Variants in RUFY3 observed in about 807,000 individuals in gnomAD.
RUFY3 encodes the protein RUN and FYVE domain containing 3, also known as protein RUFY3.
In RUFY3, 34 loss-of-function variants were observed where a neutral mutation model predicts 84.0. That is an observed-to-expected ratio of 0.40 (90% CI 0.31 to 0.54). The LOEUF (loss-of-function observed/expected upper bound fraction) is 0.54, where lower values mean the gene tolerates loss of function less well. Ranked by LOEUF, RUFY3 falls within the 20% of genes least tolerant of loss-of-function variation. The pLI is 0.39. For missense variants in RUFY3, 507 were observed against 736.8 expected (o/e 0.69, Z 3.61); for synonymous variants, 242 against 252.9 (o/e 0.96, Z 0.41).
At chr4:70,779,584 CTTTTTTT>C (rs779419538) in intron 8 of RUFY3, among the ~76,000 whole-genome samples, 13 of 130,484 alleles carry the variant, frequency 1.0e-4, no homozygotes, top group Non-Finnish European at 2.0e-4. Context: ...ATTTCTTTTT[CTTTTTTT>C]TTTTTTTTTT....
intron 10 of RUFY3, among the ~76,000 whole-genome samples, chr4:70,787,504 G>A (rs1242487096): frequency 1.3e-5 from 2 of 151,574 alleles, no homozygotes; most frequent in Non-Finnish European, 1.5e-5. Flanking sequence ...ATTGTGATCC[G>A]CCTGCCTCAG....
intron 1 of RUFY3, among the ~76,000 whole-genome samples, chr4:70,736,733 G>A (rs540858277): frequency 6.3e-4 from 95 of 151,994 alleles, no homozygotes; most frequent in Non-Finnish European, 8.5e-4. Context: ...GACCATGTCC[G>A]GCTAATTTTT....
upstream of RUFY3, among the ~76,000 whole-genome samples, chr4:70,717,468 G>A (rs1326206372): frequency 6.6e-6 from 1 of 152,100 alleles, no homozygotes; most frequent in Non-Finnish European, 1.5e-5. Context: ...CCTAGAGGAA[G>A]GTATGGGTTG....
chr4:70,771,911 G>T (rs1727033189), intron 5 of RUFY3, among the ~76,000 whole-genome samples: 1 of 151,944 alleles, frequency 6.6e-6, no homozygotes, highest in African/African-American at 2.4e-5. Flanking sequence ...ATAAAGATGA[G>T]AAAATATATT....
At chr4:70,712,837 T>C (rs1741133603) in intron 1 of RUFY3, among the ~76,000 whole-genome samples, 1 of 152,194 alleles carries the variant, frequency 6.6e-6, no homozygotes. Flanking sequence ...AGAATCCCAT[T>C]TTTGATGAAT....
chr4:70,778,222 G>A (rs757241524), intron 7 of RUFY3, 147 bp from the exon 8 acceptor site: 3 of 349,182 alleles, frequency 8.6e-6, no homozygotes, highest in African/African-American at 6.5e-5. Context: ...GCGACACAAC[G>A]AGACTCCGTC....
At position 70,746,231 on chromosome 4, in the gene RUFY3, G is replaced by T. The variant is rs149248648; in HGVS notation, c.179-16288G>T. On this transcript the variant is annotated intron_variant, in intron 1 of 17. Transcript: ENST00000381006. ...ATGGTGGCAGGCGCCTGTAATCCCA[G>T]TTCCTGGGAGTCTGAGGCACGAGAA... Among the ~76,000 whole-genome samples, 110 of 151,860 alleles carry T rather than the reference G, an allele frequency of 7.2e-4. No individual in the cohort carries two copies. The Middle Eastern group carries it at 0.01, about 14-fold the overall frequency.
At chr4:70,709,386 A>G (rs1026643434) in intron 1 of RUFY3, among the ~76,000 whole-genome samples, 1 of 152,248 alleles carries the variant, frequency 6.6e-6, no homozygotes, top group Non-Finnish European at 1.5e-5. Flanking sequence ...GTACAGTTAC[A>G]AAGTGAACTT....
At chr4:70,793,584 A>G (rs1731131536) in intron 12 of RUFY3, 6 of 1,456,024 alleles carry the variant, frequency 4.1e-6, no homozygotes, top group African/African-American at 1.4e-5. Flanking sequence ...GTTCACCTTC[A>G]TCTTACTTTT....
chr4:70,763,577 T>C lies in RUFY3; in HGVS notation c.378T>C (p.Asn126=). Residue 126 remains asparagine (N), a synonymous_variant, in exon 3 of 18, where the codon AAT becomes AAC. Coordinates refer to ENST00000381006, the MANE Select transcript of RUFY3 (RefSeq NM_001037442.4). ...LKAKKTFLGQ[N]KSFWGPLELV... Reference sequence around the variant, plus strand: ...CTAAAAAAACTTTTCTCGGACAAAATAAATCCTTCTGGGGGCCTCTAGAAC... The same window carrying C: ...CTAAAAAAACTTTTCTCGGACAAAACAAATCCTTCTGGGGGCCTCTAGAAC... 1 of 1,609,418 alleles carries C rather than the reference T, an allele frequency of 6.2e-7. No homozygotes were observed. Among genetic ancestry groups the C allele is most frequent in the Non-Finnish European group, 8.5e-7 (1 of 1,178,942 alleles).
chr4:70,728,173 G>A (rs1718611245), intron 1 of RUFY3, among the ~76,000 whole-genome samples: 1 of 152,168 alleles, frequency 6.6e-6, no homozygotes, highest in Non-Finnish European at 1.5e-5. Context: ...AATAGCTTAA[G>A]TAGCTTAGCC....
chr4:70,721,022 T>G (rs1463423967), upstream of RUFY3, among the ~76,000 whole-genome samples: 1 of 151,908 alleles, frequency 6.6e-6, no homozygotes, highest in Non-Finnish European at 1.5e-5. Flanking sequence ...GAAACATATT[T>G]CATGCTTAAG....
At chr4:70,758,083 A>G (rs1724340655) in intron 1 of RUFY3, among the ~76,000 whole-genome samples, 1 of 152,226 alleles carries the variant, frequency 6.6e-6, no homozygotes, top group Non-Finnish European at 1.5e-5. Flanking sequence ...ATCCTATATT[A>G]TAAGTATTCA....
chr4:70,786,125 T>C (rs1729759457), intron 10 of RUFY3, among the ~76,000 whole-genome samples: 1 of 152,168 alleles, frequency 6.6e-6, no homozygotes, highest in Non-Finnish European at 1.5e-5. Context: ...TGGAGGACAT[T>C]ATGTGAAGTG....
At position 70,806,564 on chromosome 4, in the gene RUFY3, A is replaced by G. The variant is rs771064425; in HGVS notation, c.1768A>G (p.Asn590Asp). The G allele has an allele frequency of 6.2e-7, 1 of 1,614,196 alleles. No homozygotes were observed. The highest frequency in any genetic ancestry group is 8.5e-7 in the Non-Finnish European group (1 of 1,180,018). The change falls in exon 18 of 18, where the codon AAT becomes GAT. Residue 590 changes from asparagine (N) to aspartate (D), a missense_variant. Physicochemically the swap from Asn to Asp is conservative, Grantham distance 23. Transcript: ENST00000381006. ...AACCTTCTGTGATGCCTGTTCAACA[A>G]ATGAACTGCCTCTTCCTTCAAGTAT... is the stretch of plus-strand genomic sequence containing the variant. The part of the protein sequence containing the change: ...SGTFCDACST[N>D]ELPLPSSIKL...
intron 13 of RUFY3, 160 bp from the exon 14 acceptor site, chr4:70,794,635 T>A (rs1460388630): frequency 1.6e-6 from 1 of 636,668 alleles, no homozygotes; most frequent in Non-Finnish European, 2.8e-6. Flanking sequence ...CAGTTAAGCT[T>A]AGAAGTAGCA....
intron 7 of RUFY3, among the ~76,000 whole-genome samples, chr4:70,777,737 G>A (rs1232888561): frequency 1.3e-5 from 2 of 152,150 alleles, no homozygotes; most frequent in African/African-American, 2.4e-5. Flanking sequence ...AGGAATAAAT[G>A]CAATAACGCA....
intron 8 of RUFY3, 112 bp downstream of exon 8, chr4:70,778,550 A>C: frequency 1.9e-6 from 1 of 523,470 alleles, no homozygotes; most frequent in Non-Finnish European, 3.5e-6. Context: ...AATAATATTG[A>C]CTGTAGTACA....
In RUFY3 at chr4:70,722,241, G is replaced by A. The variant is rs1742385524; in HGVS notation, c.-333G>A. ...CAGCATCAGCTGTGCGGGATTTAAAGCCTATAGCTCAGCTGAAAAAAAAGG... is the reference window on the plus strand; with the variant it reads ...CAGCATCAGCTGTGCGGGATTTAAAACCTATAGCTCAGCTGAAAAAAAAGG... On this transcript the variant is annotated 5_prime_UTR_variant, in exon 1 of 18. Transcript: ENST00000381006. 1.6e-6 allele frequency: 2 copies of A among 1,230,586 alleles called. No individual in the cohort carries two copies. Among genetic ancestry groups the A allele is most frequent in the South Asian group, 4.2e-5 (1 of 23,570 alleles). The allele number at this position is 1,230,586 out of a possible 1,614,324, so 76.2% of individuals were successfully genotyped here. A position where few individuals can be genotyped will look rare whatever the true frequency, so the allele number is the denominator to read the frequency against.
Sources: allele counts gnomAD v4.1 joint callset (sites outside exome capture counted in the v4.1 genomes callset), GRCh38; gene constraint gnomAD v4.1.1; transcripts MANE v1.5; gene names NCBI Gene and HGNC (gene_info 2026-07-23, HGNC 2026-07-21).